SLC24A2: variants seen among roughly 807,000 people sequenced by gnomAD.
SLC24A2 encodes solute carrier family 24 member 2, also known as sodium/potassium/calcium exchanger 2.
A neutral mutation model predicts 62.0 loss-of-function variants in SLC24A2; 36 were observed. That is an observed-to-expected ratio of 0.58 (90% CI 0.44 to 0.77). SLC24A2 has a LOEUF of 0.77. Ranked by LOEUF, SLC24A2 falls within the 30% of genes least tolerant of loss-of-function variation. The pLI is 0.00. For synonymous variants in SLC24A2, 358 were observed against 294.0 expected (o/e 1.22, Z -2.23); for missense variants, 846 against 817.9 (o/e 1.03, Z -0.42).
chr9:19,916,960 A>G, the SLC24A2 span, among the ~76,000 whole-genome samples: 1 of 124,136 alleles, frequency 8.1e-6, no homozygotes, highest in African/African-American at 3.0e-5. Context: ...TTCTTTATGT[A>G]TAGGTGCAAA....
the SLC24A2 span, among the ~76,000 whole-genome samples, chr9:19,871,688 T>A: frequency 2.0e-5 from 3 of 152,340 alleles, no homozygotes; most frequent in African/African-American, 7.2e-5. Context: ...GTGTAGAAGA[T>A]GTTTTACTTT....
chr9:20,032,957 G>C, the SLC24A2 span, among the ~76,000 whole-genome samples: 1 of 152,138 alleles, frequency 6.6e-6, no homozygotes, highest in Non-Finnish European at 1.5e-5. Flanking sequence ...TTTACAGCTG[G>C]TATGCTTTGC....
chr9:19,545,011 C>T (rs144038862), intron 8 of SLC24A2, among the ~76,000 whole-genome samples: 48 of 152,206 alleles, frequency 3.2e-4, no homozygotes, highest in East Asian at 2.7e-3. Flanking sequence ...GATGATATCC[C>T]GAAAAGTGTT....
At chr9:20,283,207 A>G in the SLC24A2 span, among the ~76,000 whole-genome samples, 1 of 152,244 alleles carries the variant, frequency 6.6e-6, no homozygotes, top group African/African-American at 2.4e-5. Flanking sequence ...GGTTTTGAGC[A>G]TCTAGTTATT....
chr9:20,075,290 C>T, the SLC24A2 span, among the ~76,000 whole-genome samples: 2 of 152,150 alleles, frequency 1.3e-5, no homozygotes, highest in African/African-American at 4.8e-5. Context: ...ATCCTTGGGA[C>T]AAATCTCTGA....
the SLC24A2 span, among the ~76,000 whole-genome samples, chr9:20,158,270 A>T: frequency 6.6e-6 from 1 of 151,722 alleles, no homozygotes; most frequent in Non-Finnish European, 1.5e-5. Flanking sequence ...ATTTAATAAG[A>T]GGTTACACAG....
intron 5 of SLC24A2, among the ~76,000 whole-genome samples, chr9:19,589,779 T>G (rs79986667): frequency 0.011 from 1,605 of 152,272 alleles, 31 homozygotes; most frequent in African/African-American, 0.035. Flanking sequence ...TTACTCAAAA[T>G]GCAAGATCAA....
chr9:20,123,716 C>T, the SLC24A2 span, among the ~76,000 whole-genome samples: 1 of 152,134 alleles, frequency 6.6e-6, no homozygotes, highest in Admixed American at 6.5e-5. Flanking sequence ...TGGTAATTAT[C>T]ATTAACGTCA....
the SLC24A2 span, among the ~76,000 whole-genome samples, chr9:20,047,693 T>C: frequency 6.7e-6 from 1 of 148,598 alleles, no homozygotes; most frequent in African/African-American, 2.5e-5. Flanking sequence ...AATGGGGAGC[T>C]AGCCCTCTGG....
intron 8 of SLC24A2, among the ~76,000 whole-genome samples, chr9:19,541,434 G>C (rs368563200): frequency 8.0e-4 from 121 of 151,980 alleles, no homozygotes; most frequent in East Asian, 4.5e-3. Context: ...AGACAGGACC[G>C]TCAGCTGCAG....
chr9:20,022,656 C>G, the SLC24A2 span, among the ~76,000 whole-genome samples: 1 of 152,210 alleles, frequency 6.6e-6, no homozygotes, highest in South Asian at 2.1e-4. Flanking sequence ...TGCTGCTTCT[C>G]TCTCACCAAT....
chr9:19,992,071 T>C, the SLC24A2 span, among the ~76,000 whole-genome samples: 1 of 152,200 alleles, frequency 6.6e-6, no homozygotes, highest in Admixed American at 6.5e-5. Context: ...CTCTAGGAAA[T>C]AGAAATATTA....
chr9:20,141,949 G>A, the SLC24A2 span, among the ~76,000 whole-genome samples: 5 of 152,244 alleles, frequency 3.3e-5, no homozygotes, highest in Admixed American at 3.3e-4. Flanking sequence ...TCAGTGTAGT[G>A]GCAGGTGCGT....
chr9:20,104,274 T>G, the SLC24A2 span, among the ~76,000 whole-genome samples: 731 of 152,368 alleles, frequency 4.8e-3, 6 homozygotes, highest in African/African-American at 0.016. Context: ...GAAAACACTC[T>G]GCTAGATATT....
Position 19,534,622 on chromosome 9 carries a change from T to G in SLC24A2, c.1480-6484A>C, listed in dbSNP as rs140705274. ...AAAAATGCGGTGTTTAGTTTTCTGT[T>G]CTTGTGTTAGTTTGCTGACAATGAT... On this transcript the variant is annotated intron_variant, in intron 8 of 10. Coordinates refer to ENST00000341998, the MANE Select transcript of SLC24A2 (RefSeq NM_020344.4). 7.6e-3 allele frequency among the ~76,000 whole-genome samples: 1,162 copies of G among 152,244 alleles called. 16 individuals are homozygous for G. The highest frequency in any genetic ancestry group is 0.026 in the African/African-American group (1,082 of 41,530).
the SLC24A2 span, among the ~76,000 whole-genome samples, chr9:20,252,202 G>A: frequency 2.2e-3 from 329 of 152,260 alleles, no homozygotes; most frequent in African/African-American, 7.3e-3. Context: ...TGAAGGGCTC[G>A]GAGTCCACAA....
At chr9:19,549,529 C>G (rs1358656631) in intron 8 of SLC24A2, among the ~76,000 whole-genome samples, 1 of 152,166 alleles carries the variant, frequency 6.6e-6, no homozygotes, top group Admixed American at 6.5e-5. Context: ...CCTGACTGAC[C>G]TCTTATGTAA....
the SLC24A2 span, among the ~76,000 whole-genome samples, chr9:19,960,345 C>T: frequency 9.3e-3 from 1,420 of 152,210 alleles, 31 homozygotes; most frequent in African/African-American, 0.033. Flanking sequence ...CCATTCTATT[C>T]TATTCTATTT....
At chr9:19,964,900 A>G in the SLC24A2 span, among the ~76,000 whole-genome samples, 1 of 152,146 alleles carries the variant, frequency 6.6e-6, no homozygotes, top group Non-Finnish European at 1.5e-5. Context: ...CAGTAAGGTG[A>G]GAAGCAACGA....
Sources: allele counts gnomAD v4.1 joint callset (sites outside exome capture counted in the v4.1 genomes callset), GRCh38; gene constraint gnomAD v4.1.1; transcripts MANE v1.5; gene names NCBI Gene and HGNC (gene_info 2026-07-23, HGNC 2026-07-21).